PXK: variants seen among roughly 807,000 people sequenced by gnomAD.
PXK encodes PX domain-containing protein kinase-like protein.
A neutral mutation model predicts 84.7 loss-of-function variants in PXK; 35 were observed. That is an observed-to-expected ratio of 0.41 (90% CI 0.32 to 0.55). The LOEUF (loss-of-function observed/expected upper bound fraction) is 0.55, where lower values mean the gene tolerates loss of function less well. Among genes scored for constraint, PXK ranks in the 20% least tolerant of loss-of-function variants. The pLI is 0.21. For synonymous variants in PXK, 253 were observed against 260.8 expected, an observed-to-expected ratio of 0.97 and a Z score of 0.29; for missense variants, 634 against 699.7, an observed-to-expected ratio of 0.91 and a Z score of 1.06.
intron 1 of PXK, among the ~76,000 whole-genome samples, chr3:58,334,864 A>G (rs73835171): frequency 0.046 from 6,980 of 152,150 alleles, 565 homozygotes; most frequent in African/African-American, 0.16. Flanking sequence ...TGAAAAAATA[A>G]CTTAGAGATC....
In PXK at chr3:58,426,103, C is replaced by G. The variant is rs559395514; in HGVS notation, c.*1143C>G. On this transcript the variant is annotated 3_prime_UTR_variant, in exon 18 of 18. Transcript: ENST00000356151. The stretch of plus-strand genomic sequence containing the variant: ...GTTGTTAGCAAAGAATAGATTCACA[C>G]AGTCTAAGGTTTCCTTCCTACCTAT... The G allele has an allele frequency of 6.6e-6, 1 of 152,322 alleles. No homozygotes were observed. The highest frequency in any genetic ancestry group is 1.9e-4 in the East Asian group (1 of 5,192). The allele number at this position is 152,322 out of a possible 1,614,324, so 9.4% of individuals were successfully genotyped here.
intron 1 of PXK, among the ~76,000 whole-genome samples, chr3:58,351,956 C>T (rs961328076): frequency 3.9e-5 from 6 of 152,204 alleles, no homozygotes; most frequent in Non-Finnish European, 7.3e-5. Context: ...GGCCATTGTG[C>T]TGGCTGCTCT....
chr3:58,409,993 G>C lies in PXK; in HGVS notation c.1396-97G>C. The C allele has an allele frequency of 1.3e-6, 1 of 764,352 alleles. No homozygotes were observed. The highest frequency in any genetic ancestry group is 1.6e-5 in the South Asian group (1 of 62,122). 47.3% of individuals were successfully genotyped at this position (764,352 alleles called of 1,614,324 possible). ...TACCTTGTCTGCAGCTAGTTTAATG[G>C]TATGCCTGGAAAATATTTTTATTCT... On this transcript the variant is annotated intron_variant, in intron 15 of 17. Transcript: ENST00000356151. The surrounding 1 kb of genome is among the most constrained non-coding windows in gnomAD (Gnocchi z 4.2).
At chr3:58,349,296 A>C (rs1281617251) in intron 1 of PXK, among the ~76,000 whole-genome samples, 1 of 152,068 alleles carries the variant, frequency 6.6e-6, no homozygotes, top group South Asian at 2.1e-4. Flanking sequence ...TGTTATATTA[A>C]GTGAGAGAAA....
chr3:58,395,404 C>T (rs2057493220), intron 8 of PXK, among the ~76,000 whole-genome samples: 1 of 152,278 alleles, frequency 6.6e-6, no homozygotes, highest in South Asian at 2.1e-4. Flanking sequence ...CTGAAGAATT[C>T]GAACAATATG....
Position 58,382,603 on chromosome 3 carries a change from G to C in PXK, c.291G>C (p.Gln97His), listed in dbSNP as rs746887857. 1.4e-5 allele frequency: 22 copies of C among 1,607,660 alleles called. No individual in the cohort carries two copies. In the Middle Eastern group the frequency reaches 8.3e-4, roughly 60 times the overall value. Residue 97 changes from glutamine to histidine, a missense_variant, in exon 4 of 18, where the codon CAG becomes CAC. By Grantham distance (24) the Gln-to-His change is conservative. Coordinates refer to ENST00000356151, the MANE Select transcript of PXK (RefSeq NM_017771.5). ...TAGCTGAAAGGCAGAAAGGTCTTCAGAACTATCTCAACGTGATCACAACAA... is the reference window on the plus strand; with the variant it reads ...TAGCTGAAAGGCAGAAAGGTCTTCACAACTATCTCAACGTGATCACAACAA... ...EFIAERQKGL[Q>H]NYLNVITTNH... is the part of the protein sequence containing the mutation.
Position 58,332,979 on chromosome 3 carries a change from G to A in PXK, c.-10G>A. On this transcript the variant is annotated 5_prime_UTR_variant, in exon 1 of 18. Coordinates refer to ENST00000356151, the MANE Select transcript of PXK (RefSeq NM_017771.5). The surrounding 1 kb of genome is among the most constrained non-coding windows in gnomAD (Gnocchi z 5.6). ...CGCGTCCCTAGGCGGCGGCGGCCGG[G>A]CGTCCCGGGATGGCCTTCATGGAGA... The A allele has an allele frequency of 7.4e-7, 1 of 1,357,064 alleles. No homozygotes were observed. The highest frequency in any genetic ancestry group is 9.6e-7 in the Non-Finnish European group (1 of 1,041,922). 84.1% of individuals were successfully genotyped at this position (1,357,064 alleles called of 1,614,324 possible). A position where few individuals can be genotyped will look rare whatever the true frequency, so the allele number is the denominator to read the frequency against.
chr3:58,384,795 G>T (rs2098537623), intron 4 of PXK, among the ~76,000 whole-genome samples: 1 of 152,196 alleles, frequency 6.6e-6, no homozygotes, highest in East Asian at 1.9e-4. Flanking sequence ...TGTGTGCTGG[G>T]TGTTGGGATG....
chr3:58,350,816 T>G (rs2097908226), intron 1 of PXK, among the ~76,000 whole-genome samples: 1 of 152,214 alleles, frequency 6.6e-6, no homozygotes, highest in Admixed American at 6.5e-5. Flanking sequence ...CTGTGGTCAC[T>G]TCCACAGTTG....
intron 1 of PXK, among the ~76,000 whole-genome samples, chr3:58,338,622 T>A (rs59491259): frequency 0.76 from 115,070 of 150,498 alleles, 44,417 homozygotes; most frequent in East Asian, 1. Context: ...GACTCCGTCT[T>A]AAAAAAAAAA....
intron 1 of PXK, among the ~76,000 whole-genome samples, chr3:58,357,585 C>T (rs573510947): frequency 7.4e-4 from 113 of 152,298 alleles, no homozygotes; most frequent in African/African-American, 2.5e-3. Flanking sequence ...TAATCCATTG[C>T]GCTATAATGT....
chr3:58,403,259 C>T (rs1162183591), intron 12 of PXK, among the ~76,000 whole-genome samples: 1 of 152,144 alleles, frequency 6.6e-6, no homozygotes, highest in Non-Finnish European at 1.5e-5. Context: ...CCTGCCTCAG[C>T]CTCACAAAGT....
rs564886331 is a variant in PXK, at chr3:58,378,056, C to G, written c.202-4458C>G. On this transcript the variant is annotated intron_variant, in intron 3 of 17. Transcript: ENST00000356151. ...CTTATGCCTGCCCTCCTCCCTCTAGCAAAAAACCGTAAGTTTATTTTCTGG... is the reference window on the plus strand; with the variant it reads ...CTTATGCCTGCCCTCCTCCCTCTAGGAAAAAACCGTAAGTTTATTTTCTGG... Among the ~76,000 whole-genome samples, 5 of 152,210 alleles carry G rather than the reference C, an allele frequency of 3.3e-5. No homozygotes were observed. In the East Asian group the frequency reaches 9.6e-4, roughly 29 times the overall value.
chr3:58,424,637 CCT>C (rs1560170173), intron 17 of PXK, 113 bp from the exon 18 acceptor site: 5 of 1,406,808 alleles, frequency 3.6e-6, no homozygotes, highest in Non-Finnish European at 4.8e-6. Flanking sequence ...TATGTTGGTC[CCT>C]CTGAGAAAAA....
chr3:58,422,817 T>A, intron 17 of PXK: 9 of 985,434 alleles, frequency 9.1e-6, no homozygotes, highest in Non-Finnish European at 1.1e-5. Context: ...AGATGGCCAG[T>A]GCTGAGCCTT....
Position 58,414,011 on chromosome 3 carries a change from C to G in PXK, c.1528+1048C>G, listed in dbSNP as rs1380573856. 1 of 152,158 alleles carries G rather than the reference C, an allele frequency of 6.6e-6. No homozygotes were observed. The highest frequency in any genetic ancestry group is 2.4e-5 in the African/African-American group (1 of 41,408). 9.4% of individuals were successfully genotyped at this position (152,158 alleles called of 1,614,324 possible). On this transcript the variant is annotated intron_variant, in intron 17 of 17. Coordinates refer to ENST00000356151, the MANE Select transcript of PXK (RefSeq NM_017771.5). This position sits in a 1 kb window ranked among gnomAD's most constrained non-coding sequence, Gnocchi z 4.5. ...GCCTTACTGCTGAATGTTCTAGGGCCTGTTTTGGGTAGCAAAGTACCTGGT... is the reference window on the plus strand; with the variant it reads ...GCCTTACTGCTGAATGTTCTAGGGCGTGTTTTGGGTAGCAAAGTACCTGGT...
chr3:58,346,719 G>GATCT (rs2097827165), intron 1 of PXK, among the ~76,000 whole-genome samples: 4 of 150,786 alleles, frequency 2.7e-5, no homozygotes, highest in African/African-American at 9.8e-5. Context: ...GTGCAGTAGC[G>GATCT]TGATCTTGGC....
chr3:58,380,931 A>T (rs1576328378), intron 3 of PXK, among the ~76,000 whole-genome samples: 1 of 152,188 alleles, frequency 6.6e-6, no homozygotes, highest in African/African-American at 2.4e-5. Context: ...TTTCAAAAAA[A>T]TGTATCTCCT....
At position 58,409,733 on chromosome 3, in the gene PXK, C is replaced by A; in HGVS notation, c.1395+115C>A. The A allele has an allele frequency of 1.2e-6, 1 of 841,648 alleles. No homozygotes were observed. Among genetic ancestry groups the A allele is most frequent in the Non-Finnish European group, 1.8e-6 (1 of 554,338 alleles). The allele number at this position is 841,648 out of a possible 1,614,324, so 52.1% of individuals were successfully genotyped here. On this transcript the variant is annotated intron_variant, in intron 15 of 17. Coordinates refer to ENST00000356151, the MANE Select transcript of PXK (RefSeq NM_017771.5). This position sits in a 1 kb window ranked among gnomAD's most constrained non-coding sequence, Gnocchi z 4.2. ...ATGCTGTGCTATATCTCCTTGAAAGCTAAGACTATTTCCAGATGACTGGGG... is the reference window on the plus strand; with the variant it reads ...ATGCTGTGCTATATCTCCTTGAAAGATAAGACTATTTCCAGATGACTGGGG...
Sources: gnomAD v4.1 joint callset for allele counts (sites outside exome capture counted in the v4.1 genomes callset) on GRCh38, gnomAD v4.1.1 for gene constraint, Gnocchi (gnomAD v3.1) non-coding constraint, MANE v1.5 for transcripts, NCBI Gene and HGNC (gene_info 2026-07-23, HGNC 2026-07-21) for gene names.